KCNU1: variants seen among roughly 807,000 people sequenced by gnomAD.
KCNU1 encodes the protein potassium channel subfamily U member 1.
Under a neutral mutation model 126.8 loss-of-function variants are expected in KCNU1, and 93 were observed. The ratio of observed to expected loss-of-function variants is 0.73; its 90% confidence interval spans 0.62 to 0.87. The LOEUF (loss-of-function observed/expected upper bound fraction) is 0.87. KCNU1 is among the 40% of genes least tolerant of loss of function. KCNU1 has a pLI of 0.00. For synonymous variants in KCNU1, 523 were observed against 494.2 expected, an observed-to-expected ratio of 1.06 and a Z score of -0.77; for missense variants, 1,330 against 1,367.1, an observed-to-expected ratio of 0.97 and a Z score of 0.43.
chr8:36,935,399 A>G (rs1563345451), intron 26 of KCNU1, 116 bp from the exon 27 acceptor site: 1 of 784,506 alleles, frequency 1.3e-6, no homozygotes, highest in East Asian at 2.5e-5. Context: ...AAGCAAAACA[A>G]AACAAAAACG....
chr8:36,843,898 A>T (rs551368041), intron 16 of KCNU1, among the ~76,000 whole-genome samples: 2 of 152,302 alleles, frequency 1.3e-5, no homozygotes, highest in East Asian at 1.9e-4. Flanking sequence ...CCAGGGACAA[A>T]CATTCTCTGA....
At chr8:36,805,573 T>C (rs1454471502) in intron 4 of KCNU1, among the ~76,000 whole-genome samples, 1 of 152,148 alleles carries the variant, frequency 6.6e-6, no homozygotes, top group African/African-American at 2.4e-5. Flanking sequence ...TTACTAATAA[T>C]GACAAGCGAG....
chr8:36,935,862 G>C lies in KCNU1; in HGVS notation c.3392G>C (p.Arg1131Thr), dbSNP rs558846564. The change falls in exon 27 of 27, where the codon AGG becomes ACG. Residue 1131 changes from arginine to threonine, a missense_variant. Coordinates refer to ENST00000399881, the MANE Select transcript of KCNU1 (RefSeq NM_001031836.3). ...PLGDNAKENE[R>T]KTSDEVYDED... ...GGTGACAATGCAAAAGAAAATGAAA[G>C]GAAAACTTCAGATGAGGTTTATGAT... 9 of 1,611,570 alleles carry C rather than the reference G, an allele frequency of 5.6e-6. No individual in the cohort carries two copies. The South Asian group carries it at 8.8e-5, about 16-fold the overall frequency.
intron 23 of KCNU1, 76 bp from the exon 24 acceptor site, chr8:36,922,414 T>C: frequency 6.7e-7 from 1 of 1,487,844 alleles, no homozygotes; most frequent in Admixed American, 2.1e-5. Context: ...TGGTCGCCCC[T>C]TGGCCTGCAT....
intron 19 of KCNU1, among the ~76,000 whole-genome samples, chr8:36,890,931 C>T (rs753172230): frequency 3.2e-4 from 48 of 151,860 alleles, no homozygotes; most frequent in Middle Eastern, 4.0e-3. Context: ...TTACTTTCAA[C>T]CTATTTTTGC....
chr8:36,911,838 C>T (rs1356714195), intron 22 of KCNU1, among the ~76,000 whole-genome samples: 1 of 152,180 alleles, frequency 6.6e-6, no homozygotes, highest in African/African-American at 2.4e-5. Flanking sequence ...CCACACATTT[C>T]TCTATGCTCA....
intron 14 of KCNU1, among the ~76,000 whole-genome samples, chr8:36,837,648 A>C (rs1157603647): frequency 6.6e-6 from 1 of 152,174 alleles, no homozygotes; most frequent in Non-Finnish European, 1.5e-5. Context: ...TCTCACATCA[A>C]GATTTTTGAT....
intron 26 of KCNU1, among the ~76,000 whole-genome samples, chr8:36,934,180 G>A (rs192320195): frequency 2.6e-5 from 4 of 152,146 alleles, no homozygotes; most frequent in East Asian, 3.9e-4. Flanking sequence ...GCTAGGACAC[G>A]GCCAGGAAAG....
chr8:36,821,582 A>C (rs940658345), intron 10 of KCNU1, among the ~76,000 whole-genome samples: 4 of 152,178 alleles, frequency 2.6e-5, no homozygotes, highest in Non-Finnish European at 5.9e-5. Context: ...CTTTGGGAGG[A>C]AATGTGAGAG....
chr8:36,817,897 G>A (rs1052191901), intron 10 of KCNU1, 137 bp downstream of exon 10: 8 of 545,556 alleles, frequency 1.5e-5, no homozygotes, highest in African/African-American at 3.8e-5. Flanking sequence ...AAAAAGAAAA[G>A]AAATCTTTGA....
At position 36,935,979 on chromosome 8, in the gene KCNU1, GCTA is replaced by G; in HGVS notation, c.*60_*62del. 1 of 1,420,000 alleles carries G rather than the reference GCTA, an allele frequency of 7.0e-7. No individual in the cohort carries two copies. Among genetic ancestry groups the G allele is most frequent in the Non-Finnish European group, 9.5e-7 (1 of 1,052,616 alleles). 88.0% of individuals were successfully genotyped at this position (1,420,000 alleles called of 1,614,324 possible). On this transcript the variant is annotated 3_prime_UTR_variant, in exon 27 of 27. Coordinates refer to ENST00000399881, the MANE Select transcript of KCNU1 (RefSeq NM_001031836.3). ...CTGCTTACAAATCATCTCCTGAGAT[GCTA>G]ACTTTGAACAAAGAAAATAAGAATG...
chr8:36,876,934 G>A (rs1304810092), intron 19 of KCNU1, among the ~76,000 whole-genome samples: 1 of 152,136 alleles, frequency 6.6e-6, no homozygotes, highest in Non-Finnish European at 1.5e-5. Flanking sequence ...GCAGAAAGGA[G>A]ATGAGGAGAC....
chr8:36,823,063 G>A (rs1452941817), intron 10 of KCNU1, among the ~76,000 whole-genome samples: 1 of 152,186 alleles, frequency 6.6e-6, no homozygotes, highest in East Asian at 1.9e-4. Context: ...ATGCATGTGA[G>A]TGTTGTCATA....
At chr8:36,823,276 C>G (rs1463749335) in intron 10 of KCNU1, among the ~76,000 whole-genome samples, 2 of 152,198 alleles carry the variant, frequency 1.3e-5, no homozygotes, top group Admixed American at 6.5e-5. Flanking sequence ...ATCTCTCCTT[C>G]CCTTTCCCCA....
chr8:36,849,873 C>T (rs1162375742), intron 18 of KCNU1, among the ~76,000 whole-genome samples: 1 of 152,124 alleles, frequency 6.6e-6, no homozygotes, highest in East Asian at 1.9e-4. Flanking sequence ...AATGCAAATT[C>T]TATGTTTCAT....
At chr8:36,865,569 C>T (rs1469757948) in intron 19 of KCNU1, among the ~76,000 whole-genome samples, 1 of 149,736 alleles carries the variant, frequency 6.7e-6, no homozygotes, top group East Asian at 2.0e-4. Context: ...AGTTTAAGAC[C>T]AGCCTGGGGC....
intron 18 of KCNU1, among the ~76,000 whole-genome samples, chr8:36,858,162 A>AAGG (rs1805597364): frequency 7.1e-6 from 1 of 140,562 alleles, no homozygotes; most frequent in Non-Finnish European, 1.5e-5. Context: ...AGTCTAAGAC[A>AAGG]ATTTCAAGGA....
intron 24 of KCNU1, among the ~76,000 whole-genome samples, chr8:36,927,489 C>A (rs949301098): frequency 3.3e-5 from 5 of 152,188 alleles, no homozygotes; most frequent in Non-Finnish European, 5.9e-5. Context: ...ACTTGGGGAG[C>A]ACTTTCCCTT....
intron 2 of KCNU1, among the ~76,000 whole-genome samples, chr8:36,797,478 T>C (rs1346855361): frequency 2.6e-5 from 4 of 152,298 alleles, no homozygotes; most frequent in Middle Eastern, 3.4e-3. Flanking sequence ...TGTATGAGAA[T>C]AATTGCACGG....
Sources: allele counts gnomAD v4.1 joint callset (sites outside exome capture counted in the v4.1 genomes callset), GRCh38; gene constraint gnomAD v4.1.1; transcripts MANE v1.5; gene names NCBI Gene and HGNC (gene_info 2026-07-23, HGNC 2026-07-21).